NLRP11: variants seen among roughly 807,000 people sequenced by gnomAD.
NLRP11 encodes NLR family pyrin domain containing 11.
NLRP11 carries 53 observed loss-of-function variants against 79.3 expected under a neutral mutation model. The observed-to-expected ratio is 0.67, with a 90% CI of 0.54 to 0.84. The LOEUF is 0.84. Ranked by LOEUF, NLRP11 falls within the 40% of genes least tolerant of loss-of-function variation. NLRP11 has a pLI of 0.00. For missense variants in NLRP11, 1,264 were observed against 1,255.0 expected (o/e 1.01, Z -0.11); for synonymous variants, 518 against 462.6 (o/e 1.12, Z -1.54).
intron 1 of NLRP11, among the ~76,000 whole-genome samples, chr19:55,828,410 G>A (rs909391301): frequency 4.7e-5 from 7 of 149,772 alleles, no homozygotes. Flanking sequence ...AAAACTTAAA[G>A]TATAATAATA....
chr19:55,803,051 A>G (rs1346966863), intron 4 of NLRP11, among the ~76,000 whole-genome samples: 2 of 152,156 alleles, frequency 1.3e-5, no homozygotes, highest in Non-Finnish European at 2.9e-5. Context: ...GTGCAAAACT[A>G]TTAAAAACTT....
At chr19:55,799,136 G>A (rs903286499) in intron 5 of NLRP11, among the ~76,000 whole-genome samples, 3 of 149,340 alleles carry the variant, frequency 2.0e-5, no homozygotes, top group African/African-American at 5.1e-5. Context: ...GTGTGGTGGT[G>A]TACCCCTGTG....
At chr19:55,832,140 C>T (rs552409014), upstream of NLRP11, 1 of 152,346 alleles carries the variant, frequency 6.6e-6, no homozygotes, top group East Asian at 1.9e-4. Flanking sequence ...TGTTTCTGCC[C>T]AGATGCCCCA....
intron 9 of NLRP11, among the ~76,000 whole-genome samples, chr19:55,786,081 T>C (rs1989863205): frequency 6.6e-6 from 1 of 152,258 alleles, no homozygotes; most frequent in African/African-American, 2.4e-5. Flanking sequence ...AGATTTCCAC[T>C]GGGAGAACTG....
chr19:55,802,357 C>T lies in NLRP11; in HGVS notation c.2004-618G>A, dbSNP rs540790015. Reference sequence around the variant, plus strand: ...AAATAAAATCAATGTACAAAAATCACTAGCATTCCTATACACCAACGACAG... The same window carrying T: ...AAATAAAATCAATGTACAAAAATCATTAGCATTCCTATACACCAACGACAG... On this transcript the variant is annotated intron_variant, in intron 4 of 9. Coordinates refer to ENST00000589093, the Ensembl canonical transcript of NLRP11. Among the ~76,000 whole-genome samples the T allele has an allele frequency of 3.9e-5, 6 of 152,276 alleles. No individual in the cohort carries two copies. In the South Asian group the frequency reaches 1.2e-3, roughly 32 times the overall value.
chr19:55,808,181 T>C (rs1284742434), intron 3 of NLRP11, among the ~76,000 whole-genome samples, 167 bp from the exon 4 acceptor site: 1 of 152,222 alleles, frequency 6.6e-6, no homozygotes, highest in East Asian at 1.9e-4. Context: ...AACACTCAGA[T>C]CCATTAAAGT....
chr19:55,831,096 C>CCCACCCCCCCACTCCCCCCCACCCCCCTG (rs1197602205), intron 1 of NLRP11, among the ~76,000 whole-genome samples: 1 of 3,806 alleles, frequency 2.6e-4, no homozygotes, highest in Non-Finnish European at 5.0e-4. Flanking sequence ...AGACCCACCG[C>CCCACCCCCCCACTCCCCCCCACCCCCCTG]CCCACCCCCC....
chr19:55,822,858 G>A (rs906708250), intron 1 of NLRP11, among the ~76,000 whole-genome samples: 44 of 152,308 alleles, frequency 2.9e-4, no homozygotes, highest in African/African-American at 1.0e-3. Context: ...CATTGCCCAG[G>A]CTTGATTAGG....
At chr19:55,808,747 G>A (rs756330663) in intron 3 of NLRP11, 22 bp downstream of exon 3, 19 of 1,577,922 alleles carry the variant, frequency 1.2e-5, no homozygotes, top group Non-Finnish European at 1.5e-5. Context: ...CAGGAAAGAG[G>A]ATTTATTTTT....
In NLRP11 at chr19:55,809,450, T is replaced by A; in HGVS notation, c.1160A>T (p.Asn387Ile). 4 of 1,614,146 alleles carry A rather than the reference T, an allele frequency of 2.5e-6. No individual in the cohort carries two copies. The highest frequency in any genetic ancestry group is 3.4e-6 in the Non-Finnish European group (4 of 1,180,022). Residue 387 changes from asparagine (N) to isoleucine (I), a missense_variant, in exon 3 of 10, where the codon AAT becomes ATT. Physicochemically the swap from Asn to Ile is moderately radical, Grantham distance 149. Coordinates refer to ENST00000589093, the Ensembl canonical transcript of NLRP11. The surrounding 1 kb of genome is among the most constrained non-coding windows in gnomAD (Gnocchi z 4.5). ...TTTTAGGAGACCTAGGTGATACTGA[T>A]TGGCAGTAAGTCCAGCCTCTGATGT...
intron 1 of NLRP11, among the ~76,000 whole-genome samples, chr19:55,821,369 C>T (rs1016131378): frequency 1.3e-5 from 2 of 152,106 alleles, no homozygotes; most frequent in African/African-American, 2.4e-5. Flanking sequence ...AGAGGACACT[C>T]GGGAGCCTGG....
At chr19:55,808,640 TA>T in intron 3 of NLRP11, 128 bp downstream of exon 3, 1 of 811,202 alleles carries the variant, frequency 1.2e-6, no homozygotes, top group Non-Finnish European at 2.0e-6. Flanking sequence ...GTCACTGGTC[TA>T]ATTAGAAGCT....
In NLRP11 at chr19:55,807,782, T is replaced by C. The variant is rs181010522; in HGVS notation, c.2003+71A>G. The C allele has an allele frequency of 1.5e-4, 156 of 1,056,436 alleles. 1 individual carries two copies. The highest frequency in any genetic ancestry group is 9.7e-6 in the Non-Finnish European group (7 of 723,700). 65.4% of individuals were successfully genotyped at this position (1,056,436 alleles called of 1,614,324 possible). ...AAAGTGTGTTTTGTATATTGTCTTC[T>C]CCCAGAGAAAGAAAAAGACCACCGT... On this transcript the variant is annotated intron_variant, in intron 4 of 9. Transcript: ENST00000589093.
intron 2 of NLRP11, among the ~76,000 whole-genome samples, chr19:55,816,505 A>G (rs1981126268): frequency 6.6e-6 from 1 of 152,148 alleles, no homozygotes; most frequent in Non-Finnish European, 1.5e-5. Flanking sequence ...CAGGTTTTCA[A>G]TTGGAATACA....
chr19:55,809,270 T>C lies in NLRP11; in HGVS notation c.1340A>G (p.Lys447Arg). ...CTCCTGGACGTTCAAGTGTATGAAC[T>C]TGTAACGGTCTTTATGAGTGTTGCT... Residue 447 changes from lysine (K) to arginine (R), a missense_variant, in exon 3 of 10, where the codon AAG becomes AGG. Transcript: ENST00000589093. This position sits in a 1 kb window ranked among gnomAD's most constrained non-coding sequence, Gnocchi z 4.5. 6.2e-7 allele frequency: 1 copy of C among 1,614,054 alleles called. No individual in the cohort carries two copies.
intron 6 of NLRP11, among the ~76,000 whole-genome samples, chr19:55,793,585 A>T (rs982759533): frequency 2.7e-5 from 4 of 149,728 alleles, no homozygotes; most frequent in African/African-American, 9.9e-5. Context: ...AAAAAAAAAA[A>T]AAGTTGAAAA....
At chr19:55,808,649 G>T in intron 3 of NLRP11, 120 bp downstream of exon 3, 1 of 864,814 alleles carries the variant, frequency 1.2e-6, no homozygotes, top group Non-Finnish European at 1.8e-6. Flanking sequence ...CTAATTAGAA[G>T]CTAGATTGGA....
chr19:55,797,353 G>C (rs1198206415), intron 5 of NLRP11, among the ~76,000 whole-genome samples: 1 of 152,158 alleles, frequency 6.6e-6, no homozygotes, highest in Non-Finnish European at 1.5e-5. Flanking sequence ...TCCCCAGATA[G>C]CTGCATGGTT....
At chr19:55,785,493 T>TCACACACTCACA in exon 10 of NLRP11, 1 of 422,828 alleles carries the variant, frequency 2.4e-6, no homozygotes, top group South Asian at 2.9e-5. Context: ...TGGATCAAGG[T>TCACACACTCACA]CACACACACA....
Sources: allele counts gnomAD v4.1 joint callset (sites outside exome capture counted in the v4.1 genomes callset), GRCh38; gene constraint gnomAD v4.1.1; non-coding constraint Gnocchi (gnomAD v3.1); transcripts MANE v1.5; gene names NCBI Gene and HGNC (gene_info 2026-07-23, HGNC 2026-07-21).